ARHGAP20: variants seen among roughly 807,000 people sequenced by gnomAD.
ARHGAP20 encodes the protein rho GTPase-activating protein 20.
In ARHGAP20, 34 loss-of-function variants were observed where a neutral mutation model predicts 73.7. The ratio of observed to expected loss-of-function variants is 0.46; its 90% CI spans 0.35 to 0.61. The LOEUF is 0.61. Among genes scored for constraint, ARHGAP20 ranks in the 20% least tolerant of loss-of-function variants. ARHGAP20 has a pLI of 0.00. For missense variants in ARHGAP20, 1,314 were observed against 1,420.9 expected (o/e 0.92, Z 1.21); for synonymous variants, 523 against 518.2 (o/e 1.01, Z -0.13).
intron 7 of ARHGAP20, 46 bp from the exon 8 acceptor site, chr11:110,609,096 G>T: frequency 6.4e-7 from 1 of 1,557,898 alleles, no homozygotes; most frequent in Non-Finnish European, 8.8e-7. Context: ...TTTCACATTT[G>T]ATACTTGAAT....
intron 12 of ARHGAP20, among the ~76,000 whole-genome samples, chr11:110,584,652 T>C (rs1947573399): frequency 6.6e-6 from 1 of 152,044 alleles, no homozygotes. Context: ...TATGGGGCCC[T>C]AAGATTTTTC....
At chr11:110,694,992 T>G (rs1032316920) in intron 1 of ARHGAP20, among the ~76,000 whole-genome samples, 1 of 151,646 alleles carries the variant, frequency 6.6e-6, no homozygotes, top group African/African-American at 2.4e-5. Flanking sequence ...GAACTAGACA[T>G]AGACAGCAAG....
chr11:110,681,229 T>G (rs956787888), intron 2 of ARHGAP20, among the ~76,000 whole-genome samples: 1 of 152,244 alleles, frequency 6.6e-6, no homozygotes, highest in African/African-American at 2.4e-5. Flanking sequence ...TATAGTTTAT[T>G]GTAATTTTGA....
chr11:110,599,623 A>G (rs1287660311), intron 9 of ARHGAP20, among the ~76,000 whole-genome samples: 1 of 152,044 alleles, frequency 6.6e-6, no homozygotes, highest in African/African-American at 2.4e-5. Flanking sequence ...TGTGGACTGG[A>G]GTGGGAACTT....
chr11:110,629,232 G>A (rs1388197044), intron 3 of ARHGAP20, among the ~76,000 whole-genome samples: 2 of 152,044 alleles, frequency 1.3e-5, no homozygotes, highest in Non-Finnish European at 2.9e-5. Context: ...AGAAGCAGCC[G>A]TTGGAAGTAA....
chr11:110,609,361 G>GC (rs1192666868), intron 7 of ARHGAP20, among the ~76,000 whole-genome samples: 2 of 152,130 alleles, frequency 1.3e-5, no homozygotes, highest in African/African-American at 4.8e-5. Flanking sequence ...CCTCCAACAT[G>GC]CCCCTGCAAA....
chr11:110,679,194 A>G (rs1949990536), intron 2 of ARHGAP20, among the ~76,000 whole-genome samples: 1 of 152,172 alleles, frequency 6.6e-6, no homozygotes, highest in African/African-American at 2.4e-5. Flanking sequence ...TGCTCATGAC[A>G]TGGCTTCCTC....
At chr11:110,692,244 G>A (rs1174834017) in intron 1 of ARHGAP20, among the ~76,000 whole-genome samples, 1 of 152,074 alleles carries the variant, frequency 6.6e-6, no homozygotes, top group Non-Finnish European at 1.5e-5. Context: ...GTATTGCAAG[G>A]TACAGCAGCA....
At chr11:110,643,489 C>CT (rs34520321) in intron 2 of ARHGAP20, among the ~76,000 whole-genome samples, 9 of 151,948 alleles carry the variant, frequency 5.9e-5, no homozygotes, top group Admixed American at 3.3e-4. Context: ...ATTTCAAATA[C>CT]TTTTTTTTGA....
intron 3 of ARHGAP20, among the ~76,000 whole-genome samples, chr11:110,624,568 A>G (rs931795195): frequency 1.3e-5 from 2 of 151,834 alleles, no homozygotes; most frequent in Non-Finnish European, 2.9e-5. Flanking sequence ...GGAACAGCAA[A>G]CCACCATGGC....
chr11:110,692,715 A>C (rs59840624), intron 1 of ARHGAP20, among the ~76,000 whole-genome samples: 3,776 of 152,210 alleles, frequency 0.025, 148 homozygotes, highest in African/African-American at 0.08. Flanking sequence ...CCTATGAAAC[A>C]GGATAAAATG....
intron 2 of ARHGAP20, among the ~76,000 whole-genome samples, chr11:110,689,156 G>A (rs1039663427): frequency 6.6e-6 from 1 of 151,686 alleles, no homozygotes; most frequent in African/African-American, 2.4e-5. Flanking sequence ...TCGCCACCAC[G>A]CCCGGTTAAT....
Position 110,579,717 on chromosome 11 carries a change from C to T in ARHGAP20, c.3229G>A (p.Ala1077Thr). ...GAGTTGGCTTCTGGAACACCAGAAG[C>T]ATGTGGGGGTGGCTCTAAGGGTCCT... The part of the protein sequence containing the change: ...PKGPLEPPPH[A>T]SGVPEANSLQ... Residue 1077 changes from alanine (A) to threonine (T), a missense_variant, in exon 15 of 15, where the codon GCT becomes ACT. Transcript: ENST00000683387. 3.1e-6 allele frequency: 5 copies of T among 1,614,178 alleles called. No homozygotes were observed. The highest frequency in any genetic ancestry group is 4.2e-6 in the Non-Finnish European group (5 of 1,180,028).
Position 110,712,407 on chromosome 11 carries a change from G to T in ARHGAP20, c.-176C>A. Reference sequence around the variant, plus strand: ...CCGTCGGGGCCATGTACCTCCGCCTGCGCTCGACACCGCGGGCTGGAGGCG... The same window carrying T: ...CCGTCGGGGCCATGTACCTCCGCCTTCGCTCGACACCGCGGGCTGGAGGCG... On this transcript the variant is annotated 5_prime_UTR_variant, in exon 1 of 15. Coordinates refer to ENST00000683387, the MANE Select transcript of ARHGAP20 (RefSeq NM_001384657.1). 1 of 348,714 alleles carries T rather than the reference G, an allele frequency of 2.9e-6. No homozygotes were observed. Among genetic ancestry groups the T allele is most frequent in the Non-Finnish European group, 5.0e-6 (1 of 201,180 alleles). 21.6% of individuals were successfully genotyped at this position (348,714 alleles called of 1,614,324 possible).
At chr11:110,619,925 T>C (rs1420037499) in intron 4 of ARHGAP20, among the ~76,000 whole-genome samples, 1 of 152,220 alleles carries the variant, frequency 6.6e-6, no homozygotes, top group Non-Finnish European at 1.5e-5. Flanking sequence ...AAAGCTCACA[T>C]GGATTGCCTG....
intron 6 of ARHGAP20, among the ~76,000 whole-genome samples, 155 bp downstream of exon 6, chr11:110,614,406 A>C (rs574348833): frequency 2.0e-5 from 3 of 152,296 alleles, no homozygotes; most frequent in African/African-American, 7.2e-5. Flanking sequence ...ATAACCAGGA[A>C]AATGCATTTT....
chr11:110,653,069 C>A, intron 2 of ARHGAP20, among the ~76,000 whole-genome samples: 1 of 152,070 alleles, frequency 6.6e-6, no homozygotes, highest in East Asian at 1.9e-4. Context: ...CAAAAATTAA[C>A]TCAAGATAGA....
chr11:110,710,602 CA>C (rs1950630580), intron 1 of ARHGAP20, among the ~76,000 whole-genome samples: 1 of 152,138 alleles, frequency 6.6e-6, no homozygotes, highest in Non-Finnish European at 1.5e-5. Context: ...CTTGACTACA[CA>C]CACACACACT....
chr11:110,707,730 G>A (rs1950574743), intron 1 of ARHGAP20, among the ~76,000 whole-genome samples: 2 of 152,080 alleles, frequency 1.3e-5, no homozygotes, highest in South Asian at 2.1e-4. Context: ...CCATAAGAGA[G>A]TTAAGGGACA....
Sources: gnomAD v4.1 joint callset for allele counts (sites outside exome capture counted in the v4.1 genomes callset) on GRCh38, gnomAD v4.1.1 for gene constraint, MANE v1.5 for transcripts, NCBI Gene and HGNC (gene_info 2026-07-23, HGNC 2026-07-21) for gene names.